SYT16: variants seen among roughly 807,000 people sequenced by gnomAD.
The protein encoded by SYT16 is synaptotagmin 16, also known as synaptotagmin-16.
In SYT16, 42 loss-of-function variants were observed where a neutral mutation model predicts 61.4. The observed-to-expected ratio is 0.68, with a 90% CI of 0.53 to 0.89. SYT16 has a LOEUF of 0.89. SYT16 is among the 40% of genes least tolerant of loss of function. SYT16 has a pLI of 0.00. For synonymous variants in SYT16, 314 were observed against 302.3 expected (o/e 1.04, Z -0.40); for missense variants, 804 against 807.3 (o/e 1.00, Z 0.05).
intron 1 of SYT16, among the ~76,000 whole-genome samples, chr14:61,937,781 A>T (rs544323240): frequency 6.6e-6 from 1 of 152,280 alleles, no homozygotes; most frequent in South Asian, 2.1e-4. Flanking sequence ...AAGAGGAAGG[A>T]TGGAAACTTG....
At chr14:61,972,993 G>A (rs564717167) in intron 2 of SYT16, among the ~76,000 whole-genome samples, 7 of 152,208 alleles carry the variant, frequency 4.6e-5, no homozygotes, top group South Asian at 2.1e-4. Context: ...ATAAAAATGC[G>A]ACCATCCTAC....
At chr14:62,046,966 AAT>A (rs1246681392) in intron 3 of SYT16, among the ~76,000 whole-genome samples, 1 of 152,162 alleles carries the variant, frequency 6.6e-6, no homozygotes, top group African/African-American at 2.4e-5. Context: ...TGAACTTTCA[AAT>A]AGTTTTTTCC....
At chr14:62,081,595 C>T (rs2056710089) in intron 6 of SYT16, among the ~76,000 whole-genome samples, 1 of 152,170 alleles carries the variant, frequency 6.6e-6, no homozygotes, top group African/African-American at 2.4e-5. Flanking sequence ...CCTCCTGCCC[C>T]CAATCTGCAT....
intron 1 of SYT16, among the ~76,000 whole-genome samples, chr14:61,817,011 ACACACACACACAC>A (rs1566604687): frequency 2.0e-4 from 27 of 134,504 alleles, no homozygotes; most frequent in African/African-American, 5.3e-4. Flanking sequence ...GCTCCGTCAC[ACACACACACACAC>A]ACACAAAAAA....
intron 1 of SYT16, among the ~76,000 whole-genome samples, chr14:61,900,859 C>G (rs1489710455): frequency 6.6e-6 from 1 of 152,164 alleles, no homozygotes; most frequent in Non-Finnish European, 1.5e-5. Context: ...ACAAAGACAT[C>G]CAATGGAGAA....
chr14:61,839,626 T>C (rs2046240805), intron 1 of SYT16, among the ~76,000 whole-genome samples: 1 of 152,148 alleles, frequency 6.6e-6, no homozygotes, highest in Non-Finnish European at 1.5e-5. Context: ...GCTCTGTGGC[T>C]GAGAGTGATG....
intron 1 of SYT16, among the ~76,000 whole-genome samples, chr14:61,845,836 T>C (rs897452413): frequency 6.6e-6 from 1 of 152,202 alleles, no homozygotes; most frequent in Admixed American, 6.5e-5. Context: ...TAGTATTGTT[T>C]TTGCTGTGTC....
chr14:61,967,573 G>A lies in SYT16; in HGVS notation c.-324-2559G>A, dbSNP rs187666322. On this transcript the variant is annotated intron_variant, in intron 1 of 7. Coordinates refer to ENST00000683842, the MANE Select transcript of SYT16 (RefSeq NM_001367656.1). ...TCCTTAACTCGAGGTTTTGTAACTC[G>A]AATCTCTGCCCTGGGCTTCATGTGG... Among the ~76,000 whole-genome samples, 326 of 152,192 alleles carry A rather than the reference G, an allele frequency of 2.1e-3. 2 individuals carry two copies. Among genetic ancestry groups the A allele is most frequent in the African/African-American group, 7.3e-3 (303 of 41,524 alleles).
intron 3 of SYT16, among the ~76,000 whole-genome samples, chr14:62,053,727 C>A (rs1425424796): frequency 6.6e-6 from 1 of 152,120 alleles, no homozygotes; most frequent in East Asian, 1.9e-4. Context: ...ACTACATAAA[C>A]CTATTTAGAA....
chr14:61,906,836 C>G (rs1174520282), intron 1 of SYT16, among the ~76,000 whole-genome samples: 1 of 111,750 alleles, frequency 8.9e-6, no homozygotes, highest in Non-Finnish European at 1.8e-5. Context: ...CATCCCAGTA[C>G]TTGTACTATC....
intron 3 of SYT16, among the ~76,000 whole-genome samples, chr14:62,064,168 AT>A (rs907870111): frequency 1.3e-5 from 2 of 152,136 alleles, no homozygotes; most frequent in African/African-American, 4.8e-5. Context: ...GCTTCAGAAA[AT>A]ACTATCTTAT....
At chr14:62,035,982 T>C (rs2054491772) in intron 3 of SYT16, among the ~76,000 whole-genome samples, 2 of 152,162 alleles carry the variant, frequency 1.3e-5, no homozygotes, top group South Asian at 4.1e-4. Context: ...CTATGTAGGC[T>C]CTGAGGATGC....
At chr14:61,936,457 G>C (rs549260498) in intron 1 of SYT16, among the ~76,000 whole-genome samples, 9 of 152,104 alleles carry the variant, frequency 5.9e-5, no homozygotes, top group African/African-American at 2.2e-4. Flanking sequence ...GACTCCCAGT[G>C]CCACAAGGCG....
At chr14:62,081,350 G>T in intron 6 of SYT16, 76 bp downstream of exon 6, 3 of 1,427,078 alleles carry the variant, frequency 2.1e-6, no homozygotes, top group South Asian at 1.4e-5. Flanking sequence ...GATTTAGTAC[G>T]TTCAGTCTGT....
intron 1 of SYT16, among the ~76,000 whole-genome samples, chr14:61,896,389 C>G (rs888985102): frequency 1.3e-5 from 2 of 152,184 alleles, no homozygotes; most frequent in Non-Finnish European, 2.9e-5. Flanking sequence ...CACATACCTA[C>G]TCATAGTGGA....
rs113580933 is a variant in SYT16 at position 61,857,914 on chromosome 14, GA to G, written c.-325+45110del. Among the ~76,000 whole-genome samples the G allele has an allele frequency of 2.5e-3, 372 of 151,754 alleles. 6 individuals carry two copies. Among genetic ancestry groups the G allele is most frequent in the African/African-American group, 7.7e-3 (321 of 41,438 alleles). On this transcript the variant is annotated intron_variant, in intron 1 of 7. Coordinates refer to ENST00000683842, the MANE Select transcript of SYT16 (RefSeq NM_001367656.1). ...TGTCTGTCTGTCATTTTGACAGGGGGAAAAAACATTCAAAATTTATTTTCCA... is the reference window on the plus strand; with the variant it reads ...TGTCTGTCTGTCATTTTGACAGGGGGAAAAACATTCAAAATTTATTTTCCA...
intron 7 of SYT16, among the ~76,000 whole-genome samples, chr14:62,092,074 C>T (rs1329234323): frequency 1.3e-5 from 2 of 151,258 alleles, no homozygotes; most frequent in Middle Eastern, 3.2e-3. Flanking sequence ...TATAAATGGC[C>T]AATAGAAATA....
At chr14:61,867,087 C>T (rs923562911) in intron 1 of SYT16, among the ~76,000 whole-genome samples, 2 of 151,848 alleles carry the variant, frequency 1.3e-5, no homozygotes, top group African/African-American at 2.4e-5. Context: ...TGGAGTCTCT[C>T]TTCTCTTTCA....
At chr14:61,897,414 AGTT>A (rs1397053605) in intron 1 of SYT16, 3 of 152,090 alleles carry the variant, frequency 2.0e-5, no homozygotes, top group Admixed American at 6.5e-5. Flanking sequence ...GGGTGGAAAA[AGTT>A]GTGCTTCCAT....
Sources: gnomAD v4.1 joint callset for allele counts (sites outside exome capture counted in the v4.1 genomes callset) on GRCh38, gnomAD v4.1.1 for gene constraint, MANE v1.5 for transcripts, NCBI Gene and HGNC (gene_info 2026-07-23, HGNC 2026-07-21) for gene names.